TTC33: variants seen among roughly 807,000 people sequenced by gnomAD.
TTC33 encodes the protein tetratricopeptide repeat domain 33.
A neutral mutation model predicts 29.4 loss-of-function variants in TTC33; 24 were observed. That is an observed-to-expected ratio of 0.82 (90% CI 0.59 to 1.15). The LOEUF is 1.15. Among genes scored for constraint, TTC33 ranks in the 50% most tolerant of loss-of-function variants. TTC33 has a pLI of 0.00. For synonymous variants in TTC33, 107 were observed against 100.3 expected, an observed-to-expected ratio of 1.07 and a Z score of -0.40; for missense variants, 286 against 310.4, an observed-to-expected ratio of 0.92 and a Z score of 0.59.
intron 2 of TTC33, among the ~76,000 whole-genome samples, chr5:40,733,087 T>C (rs1261041620): frequency 1.3e-5 from 2 of 152,124 alleles, no homozygotes; most frequent in Non-Finnish European, 2.9e-5. Context: ...AAAATGTAAA[T>C]TCTTACTTTG....
chr5:40,734,904 T>A (rs547674636), intron 2 of TTC33, among the ~76,000 whole-genome samples: 78 of 152,074 alleles, frequency 5.1e-4, no homozygotes, highest in Non-Finnish European at 6.6e-4. Context: ...AATGGAGGAA[T>A]GTGATAGGGA....
At chr5:40,729,547 A>T (rs551501563) in intron 3 of TTC33, among the ~76,000 whole-genome samples, 1 of 152,338 alleles carries the variant, frequency 6.6e-6, no homozygotes, top group South Asian at 2.1e-4. Context: ...GCTAAGGACT[A>T]AGCCATTTTT....
chr5:40,739,017 T>C (rs1742635093), intron 2 of TTC33, among the ~76,000 whole-genome samples: 3 of 152,200 alleles, frequency 2.0e-5, no homozygotes, highest in African/African-American at 7.2e-5. Context: ...TGTTCTCAAT[T>C]AAGCCTTTTA....
At chr5:40,745,584 G>A (rs984437886) in intron 2 of TTC33, among the ~76,000 whole-genome samples, 5 of 151,748 alleles carry the variant, frequency 3.3e-5, no homozygotes, top group African/African-American at 9.7e-5. Flanking sequence ...GAACCCAATA[G>A]CAGAGTCACA....
intron 2 of TTC33, among the ~76,000 whole-genome samples, chr5:40,744,717 T>C (rs1015872694): frequency 3.9e-5 from 6 of 152,166 alleles, no homozygotes; most frequent in Non-Finnish European, 7.3e-5. Flanking sequence ...AAATCATGTA[T>C]TTATTCAAAT....
chr5:40,753,845 C>G (rs971402828), intron 1 of TTC33, among the ~76,000 whole-genome samples: 2 of 151,746 alleles, frequency 1.3e-5, no homozygotes, highest in African/African-American at 4.8e-5. Context: ...GAACCCTACT[C>G]ATACTAAAGG....
chr5:40,753,574 A>G (rs927342593), intron 1 of TTC33, among the ~76,000 whole-genome samples: 2 of 152,150 alleles, frequency 1.3e-5, no homozygotes, highest in African/African-American at 4.8e-5. Flanking sequence ...GAAGATGACT[A>G]TGAGTATTGT....
chr5:40,750,812 CAAGAAA>C (rs1361874562), intron 1 of TTC33, among the ~76,000 whole-genome samples: 2 of 152,178 alleles, frequency 1.3e-5, no homozygotes, highest in African/African-American at 4.8e-5. Flanking sequence ...GATTCCATCT[CAAGAAA>C]CCACTTTCTT....
At chr5:40,739,496 C>T (rs1479288655) in intron 2 of TTC33, among the ~76,000 whole-genome samples, 3 of 152,212 alleles carry the variant, frequency 2.0e-5, no homozygotes, top group South Asian at 4.2e-4. Context: ...GGGCAGGTTT[C>T]CCTCTTGGTA....
intron 3 of TTC33, 74 bp from the exon 4 acceptor site, chr5:40,728,550 AT>A (rs1742351264): frequency 7.3e-7 from 1 of 1,360,734 alleles, no homozygotes; most frequent in South Asian, 1.5e-5. Context: ...AACCCTTTTC[AT>A]TTTTTAAGAT....
chr5:40,735,492 AC>A (rs1260723667), intron 2 of TTC33, among the ~76,000 whole-genome samples: 1 of 152,224 alleles, frequency 6.6e-6, no homozygotes, highest in Non-Finnish European at 1.5e-5. Flanking sequence ...TACCTGGAAA[AC>A]AGAGCCTGAG....
intron 1 of TTC33, among the ~76,000 whole-genome samples, chr5:40,750,898 T>G (rs766648489): frequency 6.6e-6 from 1 of 152,228 alleles, no homozygotes. Context: ...TTCAGTCACA[T>G]CTTCAGGCTC....
intron 2 of TTC33, among the ~76,000 whole-genome samples, chr5:40,742,832 T>C (rs896716456): frequency 6.6e-6 from 1 of 152,226 alleles, no homozygotes; most frequent in African/African-American, 2.4e-5. Context: ...GAATACTATA[T>C]TCTAATTTGG....
In TTC33 at chr5:40,725,014, T is replaced by C. The variant is rs540515005; in HGVS notation, c.435+3331A>G. On this transcript the variant is annotated intron_variant, in intron 4 of 4. Transcript: ENST00000337702. The stretch of plus-strand genomic sequence containing the variant: ...GGCACACACCACCATGCCTGGCTAA[T>C]TTTTGTATTTTTAGTAGAGACGACG... Among the ~76,000 whole-genome samples the C allele has an allele frequency of 5.9e-5, 9 of 152,060 alleles. No homozygotes were observed. In the South Asian group the frequency reaches 1.9e-3, roughly 32 times the overall value.
Position 40,730,355 on chromosome 5 carries a change from A to G in TTC33, c.222-12T>C, listed in dbSNP as rs1425114101. 6.2e-7 allele frequency: 1 copy of G among 1,608,090 alleles called. No individual in the cohort carries two copies. Among genetic ancestry groups the G allele is most frequent in the East Asian group, 2.2e-5 (1 of 44,812 alleles). ...TTGCCTCCCGATATCTGTGGTTGTT[A>G]AAGTTATATCAATGCCATATTTTCA... On this transcript the variant is annotated splice_polypyrimidine_tract_variant and intron_variant, in intron 2 of 4. Coordinates refer to ENST00000337702, the MANE Select transcript of TTC33 (RefSeq NM_012382.3).
chr5:40,747,340 G>A (rs918347789), intron 1 of TTC33, among the ~76,000 whole-genome samples: 3 of 152,216 alleles, frequency 2.0e-5, no homozygotes, highest in African/African-American at 4.8e-5. Context: ...TTACAAGCAT[G>A]AGCCACCACG....
intron 1 of TTC33, among the ~76,000 whole-genome samples, chr5:40,752,190 C>T (rs544626871): frequency 6.6e-6 from 1 of 152,308 alleles, no homozygotes. Context: ...TAGAAACTTG[C>T]TCTAAATGAG....
At chr5:40,726,445 A>G (rs973589129) in intron 4 of TTC33, among the ~76,000 whole-genome samples, 7 of 151,470 alleles carry the variant, frequency 4.6e-5, no homozygotes, top group Non-Finnish European at 1.0e-4. Context: ...TCCCTTCGTT[A>G]TGACATTTTG....
intron 4 of TTC33, among the ~76,000 whole-genome samples, chr5:40,718,058 G>A (rs181539138): frequency 7.4e-5 from 11 of 148,870 alleles, no homozygotes; most frequent in Admixed American, 4.7e-4. Context: ...GCGAAACTCC[G>A]TCTCAAAAAA....
Sources: allele counts gnomAD v4.1 joint callset (sites outside exome capture counted in the v4.1 genomes callset), GRCh38; gene constraint gnomAD v4.1.1; transcripts MANE v1.5; gene names NCBI Gene and HGNC (gene_info 2026-07-23, HGNC 2026-07-21).